Variants in CEP128 observed in about 807,000 individuals in gnomAD.
CEP128 encodes the protein centrosomal protein 128kDa.
Under a neutral mutation model 156.7 loss-of-function variants are expected in CEP128, and 132 were observed. That is an observed-to-expected ratio of 0.84 (90% CI 0.73 to 0.97). The LOEUF (loss-of-function observed/expected upper bound fraction) is 0.97. Ranked by LOEUF, CEP128 falls within the 50% of genes least tolerant of loss-of-function variation. The pLI, the probability that CEP128 is intolerant of heterozygous loss-of-function variation, is 0.00. For missense variants in CEP128, 1,252 were observed against 1,281.9 expected, an observed-to-expected ratio of 0.98 and a Z score of 0.36; for synonymous variants, 469 against 448.9, an observed-to-expected ratio of 1.04 and a Z score of -0.57.
chr14:80,509,236 G>T (rs1888131498), intron 23 of CEP128, among the ~76,000 whole-genome samples: 1 of 152,164 alleles, frequency 6.6e-6, no homozygotes, highest in Non-Finnish European at 1.5e-5. Flanking sequence ...GTTCTCTACA[G>T]TGGCTGTACT....
At chr14:80,822,753 C>G in intron 13 of CEP128, 1 of 790,088 alleles carries the variant, frequency 1.3e-6, no homozygotes, top group South Asian at 1.3e-5. Flanking sequence ...GATGCCAAAA[C>G]AGACCAGGCA....
At chr14:80,879,164 A>G (rs1168796274) in intron 8 of CEP128, among the ~76,000 whole-genome samples, 3 of 152,198 alleles carry the variant, frequency 2.0e-5, no homozygotes, top group Non-Finnish European at 4.4e-5. Context: ...CTGCCATGCC[A>G]GGACCCTCAG....
intron 19 of CEP128, among the ~76,000 whole-genome samples, chr14:80,594,946 T>C (rs1892248401): frequency 6.6e-6 from 1 of 152,076 alleles, no homozygotes; most frequent in African/African-American, 2.4e-5. Context: ...ACCAGAAATA[T>C]CATTTGACCC....
At chr14:80,855,348 G>T (rs922671266) in intron 9 of CEP128, among the ~76,000 whole-genome samples, 1 of 152,026 alleles carries the variant, frequency 6.6e-6, no homozygotes, top group Non-Finnish European at 1.5e-5. Flanking sequence ...TTTTCCTCCT[G>T]CTTTCCACAG....
chr14:80,817,368 A>G (rs552664453), intron 13 of CEP128, among the ~76,000 whole-genome samples: 1 of 152,354 alleles, frequency 6.6e-6, no homozygotes, highest in African/African-American at 2.4e-5. Context: ...CAAATGAAAA[A>G]GAGGATACAA....
intron 14 of CEP128, among the ~76,000 whole-genome samples, chr14:80,792,116 AT>A (rs1186754145): frequency 3.9e-5 from 6 of 152,262 alleles, no homozygotes; most frequent in African/African-American, 1.4e-4. Flanking sequence ...CATAAAATCC[AT>A]TTAAAGTAAC....
At chr14:80,478,660 T>A (rs948815701) in intron 14 of CEP128, among the ~76,000 whole-genome samples, 3 of 152,190 alleles carry the variant, frequency 2.0e-5, no homozygotes, top group African/African-American at 7.2e-5. Flanking sequence ...CTCATAGGGT[T>A]GTTGTGAGGA....
rs560869825 is a variant in CEP128 at position 80,669,082 on chromosome 14, GA to G, written c.2806+73992del. On this transcript the variant is annotated intron_variant, in intron 19 of 24. Transcript: ENST00000555265. ...GCATGAGAACAGACCAATATCCTGG[GA>G]AAATTGGATATCCATATGCAAAAGA... is the stretch of plus-strand genomic sequence containing the variant. 8.2e-3 allele frequency among the ~76,000 whole-genome samples: 1,247 copies of G among 151,942 alleles called. 7 individuals carry two copies. Among genetic ancestry groups the G allele is most frequent in the Non-Finnish European group, 0.014 (944 of 68,004 alleles).
At chr14:80,949,591 T>A (rs2139656402) in intron 2 of CEP128, among the ~76,000 whole-genome samples, 1 of 152,182 alleles carries the variant, frequency 6.6e-6, no homozygotes, top group East Asian at 1.9e-4. Flanking sequence ...GCTAGAGTAA[T>A]CAGAAGGGTA....
intron 22 of CEP128, among the ~76,000 whole-genome samples, chr14:80,530,150 A>T (rs1003758120): frequency 6.6e-6 from 1 of 152,238 alleles, no homozygotes; most frequent in African/African-American, 2.4e-5. Context: ...AAATCATTAA[A>T]ATTTTACATT....
chr14:80,810,653 C>G lies in CEP128; in HGVS notation c.1210-17543G>C, dbSNP rs1436870850. Among the ~76,000 whole-genome samples the G allele has an allele frequency of 2.0e-5, 3 of 152,146 alleles. No homozygotes were observed. In the East Asian group the frequency reaches 5.8e-4, roughly 29 times the overall value. ...GTAACAGAGTAATGTTGGTCTTGTA[C>G]AATGCATTAGTGATAATTGCCACCT... is the stretch of plus-strand genomic sequence containing the variant. On this transcript the variant is annotated intron_variant, in intron 13 of 24. Coordinates refer to ENST00000555265, the MANE Select transcript of CEP128 (RefSeq NM_152446.5).
At position 80,761,474 on chromosome 14, in the gene CEP128, C is replaced by T. The variant is rs750008544; in HGVS notation, c.2516G>A (p.Cys839Tyr). 14 of 1,611,360 alleles carry T rather than the reference C, an allele frequency of 8.7e-6. No individual in the cohort carries two copies. In the South Asian group the frequency reaches 1.5e-4, roughly 18 times the overall value. The change falls in exon 17 of 25, where the codon TGT (cysteine) becomes TAT (tyrosine). Residue 839 changes from cysteine (C) to tyrosine (Y), a missense_variant. Coordinates refer to ENST00000555265, the MANE Select transcript of CEP128 (RefSeq NM_152446.5). Reference protein sequence around the residue: ...GVIGKEIDAACKTFSKDSVEK... With the variant: ...GVIGKEIDAAYKTFSKDSVEK... ...CACTGAGTCCTTGGAGAATGTTTTA[C>T]AAGCTGCATCAATTTCCTTTCCTAT...
At chr14:80,685,693 C>T (rs189969549) in intron 19 of CEP128, among the ~76,000 whole-genome samples, 121 of 152,164 alleles carry the variant, frequency 8.0e-4, no homozygotes, top group African/African-American at 2.7e-3. Context: ...GATAGCACAT[C>T]ACCCTATGTC....
At position 80,729,060 on chromosome 14, in the gene CEP128, T is replaced by TGTGTGG. The variant is rs1898147257; in HGVS notation, c.2806+14014_2806+14015insCCACAC. On this transcript the variant is annotated intron_variant, in intron 19 of 24. Coordinates refer to ENST00000555265, the MANE Select transcript of CEP128 (RefSeq NM_152446.5). ...TAGTCCCAGGCTGGGCTGGTGGGGG[T>TGTGTGG]GTGTGTGTGTGTGTGTGTGTGTGTG... 8.1e-5 allele frequency among the ~76,000 whole-genome samples: 2 copies of TGTGTGG among 24,732 alleles called. 1 individual carries two copies. 16.2% of individuals were successfully genotyped at this position (24,732 alleles called of 152,430 possible). A position where few individuals can be genotyped will look rare whatever the true frequency, so the allele number is the denominator to read the frequency against.
chr14:80,760,937 C>G (rs1395905896), intron 17 of CEP128, among the ~76,000 whole-genome samples: 1 of 152,082 alleles, frequency 6.6e-6, no homozygotes, highest in African/African-American at 2.4e-5. Flanking sequence ...AGCATTTAAC[C>G]AGATGTACAG....
intron 21 of CEP128, among the ~76,000 whole-genome samples, chr14:80,548,011 G>A (rs1322936873): frequency 6.6e-6 from 1 of 152,014 alleles, no homozygotes; most frequent in Non-Finnish European, 1.5e-5. Context: ...TGTTAGCCAG[G>A]CTAGTCTCGA....
chr14:80,856,720 C>CTTTTTTTTTTTTTTTTT lies in CEP128; in HGVS notation c.762+6020_762+6036dup, dbSNP rs766724436. Among the ~76,000 whole-genome samples the CTTTTTTTTTTTTTTTTT allele has an allele frequency of 4.4e-4, 29 of 65,188 alleles. 1 individual carries two copies. The highest frequency in any genetic ancestry group is 6.3e-4 in the African/African-American group (10 of 15,784). 42.8% of individuals were successfully genotyped at this position (65,188 alleles called of 152,430 possible). A position where few individuals can be genotyped will look rare whatever the true frequency, so the allele number is the denominator to read the frequency against. On this transcript the variant is annotated intron_variant, in intron 9 of 24. Coordinates refer to ENST00000555265, the MANE Select transcript of CEP128 (RefSeq NM_152446.5). ...AGCATTTATCTCATGTTTTTCTTTT[C>CTTTTTTTTTTTTTTTTT]TTTTTTTTTTTTTTTTTTTTTTTTT...
chr14:80,865,033 T>C (rs1167068651), intron 8 of CEP128, among the ~76,000 whole-genome samples: 2 of 152,224 alleles, frequency 1.3e-5, no homozygotes, highest in African/African-American at 4.8e-5. Context: ...AACTTATTCA[T>C]CCTACATAAG....
At chr14:80,796,323 G>A (rs979564958) in intron 13 of CEP128, among the ~76,000 whole-genome samples, 17 of 152,132 alleles carry the variant, frequency 1.1e-4, no homozygotes, top group Admixed American at 6.6e-4. Flanking sequence ...AGCTGGGTAT[G>A]GTGGCACACG....
Sources: allele counts gnomAD v4.1 joint callset (sites outside exome capture counted in the v4.1 genomes callset), GRCh38; gene constraint gnomAD v4.1.1; transcripts MANE v1.5; gene names NCBI Gene and HGNC (gene_info 2026-07-23, HGNC 2026-07-21).